Variants in ASCC3 observed in about 807,000 individuals in gnomAD.
ASCC3 encodes the protein ASC-1 complex subunit P200.
Under a neutral mutation model 256.3 loss-of-function variants are expected in ASCC3, and 158 were observed. The observed-to-expected ratio is 0.62, with a 90% CI of 0.54 to 0.70. ASCC3 has a LOEUF of 0.70. Among genes scored for constraint, ASCC3 ranks in the 30% least tolerant of loss-of-function variants. The pLI, the probability that ASCC3 is intolerant of heterozygous loss-of-function variation, is 0.00. For missense variants in ASCC3, 2,259 were observed against 2,626.0 expected (o/e 0.86, Z 3.05); for synonymous variants, 948 against 883.4 (o/e 1.07, Z -1.30).
At chr6:100,592,027 T>G (rs1772022366) in intron 34 of ASCC3, among the ~76,000 whole-genome samples, 1 of 151,850 alleles carries the variant, frequency 6.6e-6, no homozygotes, top group South Asian at 2.1e-4. Context: ...TAATATCCCT[T>G]CTAAAGTCTG....
intron 4 of ASCC3, among the ~76,000 whole-genome samples, chr6:100,819,313 T>TA (rs569219646): frequency 6.6e-6 from 1 of 151,958 alleles, no homozygotes; most frequent in Non-Finnish European, 1.5e-5. Flanking sequence ...TTAAAAGTAT[T>TA]AAAAAAAATT....
chr6:100,635,227 C>T (rs1213451324), intron 25 of ASCC3, among the ~76,000 whole-genome samples: 1 of 150,766 alleles, frequency 6.6e-6, no homozygotes, highest in Admixed American at 6.6e-5. Flanking sequence ...TATATATGTA[C>T]ACACACACAC....
At chr6:100,699,052 A>G (rs1392149897) in intron 13 of ASCC3, among the ~76,000 whole-genome samples, 1 of 152,200 alleles carries the variant, frequency 6.6e-6, no homozygotes, top group Non-Finnish European at 1.5e-5. Flanking sequence ...GGTCCCATAT[A>G]AGGGCTATAT....
chr6:100,665,305 AT>A (rs376875264), intron 14 of ASCC3, among the ~76,000 whole-genome samples: 17 of 152,072 alleles, frequency 1.1e-4, no homozygotes, highest in African/African-American at 3.4e-4. Context: ...TACTCTGTGC[AT>A]TTTTTTTATT....
At chr6:100,510,243 A>C (rs1773696910) in intron 40 of ASCC3, 136 bp from the exon 41 acceptor site, 1 of 953,680 alleles carries the variant, frequency 1.0e-6, no homozygotes, top group Admixed American at 2.2e-5. Flanking sequence ...AGATGTTTTA[A>C]ATTTTCTTCC....
chr6:100,724,937 C>A (rs1249789382), intron 11 of ASCC3, among the ~76,000 whole-genome samples: 1 of 151,970 alleles, frequency 6.6e-6, no homozygotes, highest in Non-Finnish European at 1.5e-5. Context: ...TCTACTGATA[C>A]TAGTCAGCAT....
intron 11 of ASCC3, among the ~76,000 whole-genome samples, chr6:100,720,673 C>A (rs1225672802): frequency 4.0e-5 from 6 of 151,600 alleles, no homozygotes; most frequent in African/African-American, 1.5e-4. Flanking sequence ...TCTTTAACGT[C>A]CAGCTAAACA....
chr6:100,615,204 C>T lies in ASCC3; in HGVS notation c.4786-8116G>A, dbSNP rs184484351. ...GCCAGGCTTGTCTTGAAATCCTGAC[C>T]TCAGGTGATCCACCCAACTCGGCCT... On this transcript the variant is annotated intron_variant, in intron 30 of 41. Transcript: ENST00000369162. Among the ~76,000 whole-genome samples, 5 of 152,200 alleles carry T rather than the reference C, an allele frequency of 3.3e-5. No individual in the cohort carries two copies. In the East Asian group the frequency reaches 9.7e-4, roughly 30 times the overall value.
At chr6:100,513,050 G>T in intron 39 of ASCC3, 132 bp from the exon 40 acceptor site, 1 of 812,732 alleles carries the variant, frequency 1.2e-6, no homozygotes, top group Non-Finnish European at 2.0e-6. Flanking sequence ...CAATGCAGTT[G>T]CAGGAAATAA....
At chr6:100,878,248 T>C (rs545789939) in intron 1 of ASCC3, among the ~76,000 whole-genome samples, 16 of 152,264 alleles carry the variant, frequency 1.1e-4, no homozygotes, top group African/African-American at 2.9e-4. Flanking sequence ...CAATACAAAA[T>C]ATATAATGGT....
intron 4 of ASCC3, among the ~76,000 whole-genome samples, chr6:100,835,318 G>T (rs991384674): frequency 2.6e-5 from 4 of 152,014 alleles, no homozygotes; most frequent in Non-Finnish European, 5.9e-5. Flanking sequence ...TATTGCTTAT[G>T]ATTTGGGGGT....
At chr6:100,726,912 C>T (rs1200558863) in intron 10 of ASCC3, among the ~76,000 whole-genome samples, 1 of 151,960 alleles carries the variant, frequency 6.6e-6, no homozygotes, top group Non-Finnish European at 1.5e-5. Flanking sequence ...TAAACTGTTC[C>T]AACTTTAGCC....
chr6:100,655,633 A>G, intron 17 of ASCC3, 66 bp downstream of exon 17: 2 of 1,537,972 alleles, frequency 1.3e-6, no homozygotes, highest in Admixed American at 1.7e-5. Flanking sequence ...ACAAATATCT[A>G]TCCTCATATC....
intron 37 of ASCC3, among the ~76,000 whole-genome samples, chr6:100,532,079 G>T (rs1774904972): frequency 6.6e-6 from 1 of 151,152 alleles, no homozygotes; most frequent in Non-Finnish European, 1.5e-5. Context: ...GAAAATGGTT[G>T]TGATGAGCCA....
intron 36 of ASCC3, among the ~76,000 whole-genome samples, chr6:100,555,628 A>G (rs1395445574): frequency 6.6e-6 from 1 of 152,190 alleles, no homozygotes; most frequent in Non-Finnish European, 1.5e-5. Flanking sequence ...TCCTTAAAAA[A>G]TTGCCCTTTG....
chr6:100,545,230 T>A (rs554200146), intron 36 of ASCC3, among the ~76,000 whole-genome samples: 1 of 152,246 alleles, frequency 6.6e-6, no homozygotes, highest in South Asian at 2.1e-4. Flanking sequence ...CAGGCTGGAG[T>A]GCAGTGGCAC....
chr6:100,514,943 T>C (rs1052568060), intron 39 of ASCC3, among the ~76,000 whole-genome samples: 2 of 152,194 alleles, frequency 1.3e-5, no homozygotes, highest in Non-Finnish European at 2.9e-5. Flanking sequence ...ATCGCCTCAC[T>C]GCAGAGCCGG....
At chr6:100,660,070 C>T (rs1776117411) in intron 16 of ASCC3, among the ~76,000 whole-genome samples, 2 of 151,320 alleles carry the variant, frequency 1.3e-5, no homozygotes, top group Admixed American at 6.6e-5. Flanking sequence ...TTATGGCTAC[C>T]ATTTTGGAAA....
intron 5 of ASCC3, among the ~76,000 whole-genome samples, chr6:100,803,499 G>A (rs1295289294): frequency 6.6e-6 from 1 of 152,142 alleles, no homozygotes; most frequent in East Asian, 1.9e-4. Context: ...ATGTGGAACT[G>A]TGAGCCAATT....
Sources: allele counts gnomAD v4.1 joint callset (sites outside exome capture counted in the v4.1 genomes callset), GRCh38; gene constraint gnomAD v4.1.1; transcripts MANE v1.5; gene names NCBI Gene and HGNC (gene_info 2026-07-23, HGNC 2026-07-21).